Variants in NEGR1 observed in about 807,000 individuals in gnomAD.
The protein encoded by NEGR1 is neuronal growth regulator 1, also known as IgLON family member 4.
NEGR1 carries 10 observed loss-of-function variants against 40.9 expected under a neutral mutation model. The observed-to-expected ratio is 0.24, with a 90% CI of 0.15 to 0.42. NEGR1 has a LOEUF of 0.42. Ranked by LOEUF, NEGR1 falls within the 10% of genes least tolerant of loss-of-function variation. The probability of loss-of-function intolerance (pLI) is 1.00; values close to 1 mark genes in which losing one functional copy is unlikely to be tolerated. For synonymous variants in NEGR1, 185 were observed against 166.8 expected (o/e 1.11, Z -0.84); for missense variants, 352 against 438.9 (o/e 0.80, Z 1.77).
chr1:71,895,439 A>G (rs1381856426), intron 2 of NEGR1, among the ~76,000 whole-genome samples: 1 of 152,202 alleles, frequency 6.6e-6, no homozygotes, highest in African/African-American at 2.4e-5. Context: ...CATTCCCATT[A>G]GTACCTACTC....
At chr1:71,746,062 T>C (rs1475121608) in intron 3 of NEGR1, among the ~76,000 whole-genome samples, 1 of 152,190 alleles carries the variant, frequency 6.6e-6, no homozygotes, top group Admixed American at 6.5e-5. Context: ...CATATTTCAT[T>C]GAACCTACGC....
intron 6 of NEGR1, among the ~76,000 whole-genome samples, chr1:71,417,584 C>T (rs1039768604): frequency 2.0e-5 from 3 of 152,056 alleles, no homozygotes; most frequent in African/African-American, 4.8e-5. Context: ...CTGCTCTTGT[C>T]TGTGAGTTCT....
At chr1:72,156,766 A>G (rs944791963) in intron 1 of NEGR1, among the ~76,000 whole-genome samples, 2 of 152,204 alleles carry the variant, frequency 1.3e-5, no homozygotes, top group African/African-American at 4.8e-5. Flanking sequence ...AAATACATAA[A>G]TAAATTGATA....
intron 6 of NEGR1, among the ~76,000 whole-genome samples, chr1:71,530,805 A>C (rs1480550526): frequency 1.3e-5 from 2 of 151,256 alleles, no homozygotes; most frequent in African/African-American, 4.8e-5. Context: ...TATGTCTCAG[A>C]GTGCTTGAAA....
intron 4 of NEGR1, among the ~76,000 whole-genome samples, chr1:71,681,515 T>C (rs1456591758): frequency 6.6e-6 from 1 of 152,164 alleles, no homozygotes; most frequent in Non-Finnish European, 1.5e-5. Flanking sequence ...TATTTTAAGG[T>C]GTTTTGACAT....
At chr1:71,905,165 T>C (rs1661242681) in intron 2 of NEGR1, among the ~76,000 whole-genome samples, 1 of 152,158 alleles carries the variant, frequency 6.6e-6, no homozygotes, top group Admixed American at 6.6e-5. Context: ...GTGTCAATTA[T>C]AATAATATTC....
chr1:72,181,140 T>C (rs1652351902), intron 1 of NEGR1, among the ~76,000 whole-genome samples: 1 of 152,180 alleles, frequency 6.6e-6, no homozygotes, highest in African/African-American at 2.4e-5. Flanking sequence ...ACTGATATTT[T>C]AGATGAGTTT....
At chr1:71,588,257 A>G (rs1570071211) in intron 6 of NEGR1, among the ~76,000 whole-genome samples, 1 of 152,114 alleles carries the variant, frequency 6.6e-6, no homozygotes, top group Non-Finnish European at 1.5e-5. Context: ...ACTGAAAAAT[A>G]ACAATAAAAT....
intron 2 of NEGR1, among the ~76,000 whole-genome samples, chr1:71,901,880 A>G (rs1661154376): frequency 6.6e-6 from 1 of 152,024 alleles, no homozygotes; most frequent in Admixed American, 6.6e-5. Flanking sequence ...CATGTTGGTC[A>G]GGCTGGTCTT....
chr1:72,098,813 T>C (rs1462483668), intron 1 of NEGR1, among the ~76,000 whole-genome samples: 2 of 152,284 alleles, frequency 1.3e-5, no homozygotes, highest in East Asian at 1.9e-4. Context: ...TACTGTTTTT[T>C]GGACTATAAA....
At chr1:71,660,516 T>A (rs991259052) in intron 4 of NEGR1, among the ~76,000 whole-genome samples, 2 of 151,230 alleles carry the variant, frequency 1.3e-5, no homozygotes, top group Non-Finnish European at 3.0e-5. Flanking sequence ...CTTTACAGAG[T>A]TTTATATCCT....
In NEGR1 at chr1:71,441,203, A is replaced by G. The variant is rs923068196; in HGVS notation, c.941-33633T>C. Among the ~76,000 whole-genome samples, 14 of 152,350 alleles carry G rather than the reference A, an allele frequency of 9.2e-5. No homozygotes were observed. In the South Asian group the frequency reaches 1.0e-3, roughly 11 times the overall value. Reference sequence around the variant, plus strand: ...ATAAACAATGTGTGAGTGGTCAACAATCGCTCCAAAGTGAAGTTATCAACT... The same window carrying G: ...ATAAACAATGTGTGAGTGGTCAACAGTCGCTCCAAAGTGAAGTTATCAACT... On this transcript the variant is annotated intron_variant, in intron 6 of 6. Coordinates refer to ENST00000357731, the MANE Select transcript of NEGR1 (RefSeq NM_173808.3).
chr1:71,685,381 G>A (rs1023320506), intron 4 of NEGR1, among the ~76,000 whole-genome samples: 1 of 147,084 alleles, frequency 6.8e-6, no homozygotes, highest in Non-Finnish European at 1.5e-5. Flanking sequence ...GGAGTGCAAT[G>A]GCATGATCTT....
At chr1:71,733,827 T>C (rs1654962013) in intron 3 of NEGR1, among the ~76,000 whole-genome samples, 1 of 152,146 alleles carries the variant, frequency 6.6e-6, no homozygotes, top group Non-Finnish European at 1.5e-5. Context: ...ATAGTACTGA[T>C]TCCTAAAAAA....
chr1:72,244,518 G>A (rs1654843706), intron 1 of NEGR1, among the ~76,000 whole-genome samples: 1 of 151,736 alleles, frequency 6.6e-6, no homozygotes, highest in Non-Finnish European at 1.5e-5. Context: ...TATACATATT[G>A]TTTATGCATC....
At chr1:71,423,564 A>G (rs2101282777) in intron 6 of NEGR1, among the ~76,000 whole-genome samples, 1 of 152,314 alleles carries the variant, frequency 6.6e-6, no homozygotes, top group African/African-American at 2.4e-5. Context: ...TCATCACTTC[A>G]CTGGTAGAGA....
intron 2 of NEGR1, among the ~76,000 whole-genome samples, chr1:71,863,733 T>A (rs905404188): frequency 1.3e-5 from 2 of 152,150 alleles, no homozygotes; most frequent in African/African-American, 4.8e-5. Flanking sequence ...TGGCTCCTCC[T>A]CATTTGGGAA....
At chr1:71,988,334 T>G (rs1646417899) in intron 1 of NEGR1, among the ~76,000 whole-genome samples, 2 of 151,800 alleles carry the variant, frequency 1.3e-5, no homozygotes, top group African/African-American at 4.8e-5. Flanking sequence ...GGTCAGGAGA[T>G]CGAGACCATC....
chr1:71,571,930 C>CT (rs1317727935), intron 6 of NEGR1, among the ~76,000 whole-genome samples: 1 of 151,874 alleles, frequency 6.6e-6, no homozygotes, highest in Non-Finnish European at 1.5e-5. Context: ...CCTTTTTAAG[C>CT]TAATTTTCAC....
Sources: gnomAD v4.1 joint callset for allele counts (sites outside exome capture counted in the v4.1 genomes callset) on GRCh38, gnomAD v4.1.1 for gene constraint, MANE v1.5 for transcripts, NCBI Gene and HGNC (gene_info 2026-07-23, HGNC 2026-07-21) for gene names.